Variants in DTNB observed in about 807,000 individuals in gnomAD.
DTNB encodes the protein dystrobrevin beta, also known as DTN-B.
A neutral mutation model predicts 90.7 loss-of-function variants in DTNB; 63 were observed. The ratio of observed to expected loss-of-function variants is 0.69; its 90% CI spans 0.57 to 0.86. The LOEUF is 0.86. DTNB is among the 40% of genes least tolerant of loss of function. DTNB has a pLI of 0.00. For synonymous variants in DTNB, 277 were observed against 286.7 expected, an observed-to-expected ratio of 0.97 and a Z score of 0.34; for missense variants, 744 against 807.1, an observed-to-expected ratio of 0.92 and a Z score of 0.95.
chr2:25,633,991 A>G (rs1189104815), intron 3 of DTNB, among the ~76,000 whole-genome samples: 4 of 143,440 alleles, frequency 2.8e-5, no homozygotes, highest in Non-Finnish European at 6.1e-5. Context: ...GCCCCGTCAG[A>G]GAAGTGAGGA....
chr2:25,465,192 C>T (rs2061568303), intron 10 of DTNB, among the ~76,000 whole-genome samples: 2 of 151,972 alleles, frequency 1.3e-5, no homozygotes, highest in South Asian at 4.1e-4. Context: ...CTGGCTAACA[C>T]AGTGAAACCC....
At chr2:25,457,292 G>A (rs1463900603) in intron 10 of DTNB, among the ~76,000 whole-genome samples, 5 of 152,224 alleles carry the variant, frequency 3.3e-5, no homozygotes, top group Admixed American at 2.0e-4. Flanking sequence ...ATACAGGTGT[G>A]AGCCACTGTG....
intron 9 of DTNB, among the ~76,000 whole-genome samples, chr2:25,485,900 G>T (rs1197078025): frequency 7.2e-5 from 11 of 151,972 alleles, no homozygotes; most frequent in Admixed American, 7.2e-4. Context: ...GAGGTGGGTG[G>T]ATCACAAGGT....
intron 2 of DTNB, among the ~76,000 whole-genome samples, chr2:25,641,713 G>A (rs1179341910): frequency 6.6e-6 from 1 of 152,188 alleles, no homozygotes; most frequent in Non-Finnish European, 1.5e-5. Flanking sequence ...ACATGTTGAA[G>A]AAAAATGCAA....
At chr2:25,397,256 T>C (rs2042614558) in intron 16 of DTNB, among the ~76,000 whole-genome samples, 1 of 150,282 alleles carries the variant, frequency 6.7e-6, no homozygotes. Flanking sequence ...AAGAATTGCT[T>C]GAATCTGGGA....
chr2:25,587,537 C>T (rs559991929), intron 6 of DTNB, among the ~76,000 whole-genome samples: 2 of 152,182 alleles, frequency 1.3e-5, no homozygotes, highest in Admixed American at 6.5e-5. Context: ...CAGCCCCACA[C>T]CCCACAGGCT....
chr2:25,481,352 C>T (rs1013596040), intron 10 of DTNB, among the ~76,000 whole-genome samples: 2 of 150,758 alleles, frequency 1.3e-5, no homozygotes, highest in African/African-American at 4.9e-5. Context: ...TTGCAGTGAG[C>T]TAAGATTGGG....
At chr2:25,458,605 G>C (rs948080188) in intron 10 of DTNB, among the ~76,000 whole-genome samples, 13 of 151,770 alleles carry the variant, frequency 8.6e-5, no homozygotes, top group Admixed American at 5.3e-4. Flanking sequence ...AGTAGCTGGG[G>C]CTACAGGTGT....
chr2:25,664,267 GTTTC>G (rs1360337683), intron 1 of DTNB, among the ~76,000 whole-genome samples: 1 of 152,136 alleles, frequency 6.6e-6, no homozygotes, highest in African/African-American at 2.4e-5. Flanking sequence ...TATCCACTCT[GTTTC>G]TTTCTGGCTG....
chr2:25,437,530 G>T (rs2056229141), intron 12 of DTNB, among the ~76,000 whole-genome samples: 1 of 152,050 alleles, frequency 6.6e-6, no homozygotes, highest in Admixed American at 6.6e-5. Context: ...CCCGAGTGCT[G>T]GGGTTACAGG....
chr2:25,555,592 C>T (rs1271856347), intron 8 of DTNB, among the ~76,000 whole-genome samples: 1 of 152,140 alleles, frequency 6.6e-6, no homozygotes, highest in Non-Finnish European at 1.5e-5. Context: ...AATAAACACA[C>T]ACAAAATCAA....
chr2:25,543,724 G>A (rs563136900), intron 8 of DTNB, among the ~76,000 whole-genome samples: 6 of 151,872 alleles, frequency 4.0e-5, no homozygotes, highest in Non-Finnish European at 7.4e-5. Flanking sequence ...TACTTGTTTC[G>A]TCTTTTTCCT....
intron 8 of DTNB, among the ~76,000 whole-genome samples, chr2:25,533,767 A>AT (rs2078742848): frequency 6.6e-6 from 1 of 151,464 alleles, no homozygotes; most frequent in Admixed American, 6.6e-5. Context: ...CTTTCTGTAC[A>AT]TTTTTTTCTC....
Position 25,379,334 on chromosome 2 carries a change from A to G in DTNB, c.1880-11T>C, listed in dbSNP as rs981748027. The G allele has an allele frequency of 1.5e-6, 2 of 1,315,534 alleles. No homozygotes were observed. Among genetic ancestry groups the G allele is most frequent in the African/African-American group, 1.5e-5 (1 of 66,482 alleles). 81.5% of individuals were successfully genotyped at this position (1,315,534 alleles called of 1,614,324 possible). A position where few individuals can be genotyped will look rare whatever the true frequency, so the allele number is the denominator to read the frequency against. Reference sequence around the variant, plus strand: ...GGCTCCTCTGCTAACCTGTGGCAGCATGGGCAGAAACAACACACTGAGGTC... The same window carrying G: ...GGCTCCTCTGCTAACCTGTGGCAGCGTGGGCAGAAACAACACACTGAGGTC... On this transcript the variant is annotated splice_polypyrimidine_tract_variant and intron_variant, in intron 19 of 20. Coordinates refer to ENST00000406818, the MANE Select transcript of DTNB (RefSeq NM_021907.5).
intron 8 of DTNB, among the ~76,000 whole-genome samples, chr2:25,564,975 C>G (rs2058795878): frequency 6.6e-6 from 1 of 152,068 alleles, no homozygotes; most frequent in South Asian, 2.1e-4. Context: ...ATCTTATAAA[C>G]TTGGTAAATT....
At chr2:25,656,320 T>C (rs1455748710) in intron 1 of DTNB, among the ~76,000 whole-genome samples, 2 of 152,236 alleles carry the variant, frequency 1.3e-5, no homozygotes, top group Non-Finnish European at 2.9e-5. Context: ...CTAATGCCTG[T>C]ATCTTTGTAA....
At chr2:25,525,912 T>TA (rs774011522) in intron 9 of DTNB, among the ~76,000 whole-genome samples, 8 of 151,850 alleles carry the variant, frequency 5.3e-5, no homozygotes, top group Non-Finnish European at 8.8e-5. Context: ...AAAGAATGGA[T>TA]AAGAAGCAGC....
intron 1 of DTNB, among the ~76,000 whole-genome samples, chr2:25,659,628 A>G (rs1037766255): frequency 2.6e-5 from 4 of 152,168 alleles, no homozygotes; most frequent in Non-Finnish European, 4.4e-5. Flanking sequence ...AACAATTCTA[A>G]TCTATACATA....
chr2:25,570,773 G>A (rs1294048659), intron 8 of DTNB, among the ~76,000 whole-genome samples: 5 of 151,984 alleles, frequency 3.3e-5, no homozygotes. Context: ...GAGCTTCAAG[G>A]GTCAGTTCTT....
Sources: gnomAD v4.1 joint callset for allele counts (sites outside exome capture counted in the v4.1 genomes callset) on GRCh38, gnomAD v4.1.1 for gene constraint, MANE v1.5 for transcripts, NCBI Gene and HGNC (gene_info 2026-07-23, HGNC 2026-07-21) for gene names.